GAK: variants seen among roughly 807,000 people sequenced by gnomAD.
GAK encodes cyclin G associated kinase.
GAK carries 79 observed loss-of-function variants against 143.9 expected under a neutral mutation model. That is an observed-to-expected ratio of 0.55 (90% CI 0.46 to 0.66). The LOEUF is 0.66. GAK is among the 30% of genes least tolerant of loss of function. GAK has a pLI of 0.00. For missense variants in GAK, 1,693 were observed against 1,779.7 expected, an observed-to-expected ratio of 0.95 and a Z score of 0.88; for synonymous variants, 881 against 765.5, an observed-to-expected ratio of 1.15 and a Z score of -2.49.
At position 888,981 on chromosome 4, in the gene GAK, A is replaced by ACACACG. The variant is rs774366124; in HGVS notation, c.1082-12_1082-11insCGTGTG. The ACACACG allele has an allele frequency of 6.2e-7, 1 of 1,608,220 alleles. No homozygotes were observed. Among genetic ancestry groups the ACACACG allele is most frequent in the South Asian group, 1.1e-5 (1 of 90,604 alleles). ...CCGCCAGCGCCAGGCCTGCAGGGAGACACAGTCTCAGCAGGCCCCAGGTGC... is the reference window on the plus strand; with the variant it reads ...CCGCCAGCGCCAGGCCTGCAGGGAGACACACGCACAGTCTCAGCAGGCCCCAGGTGC... On this transcript the variant is annotated splice_polypyrimidine_tract_variant and intron_variant, in intron 10 of 27. Transcript: ENST00000314167.
intron 17 of GAK, 128 bp downstream of exon 17, chr4:876,962 A>G: frequency 1.5e-6 from 1 of 654,554 alleles, no homozygotes; most frequent in Non-Finnish European, 2.7e-6. Flanking sequence ...GCCACATGAG[A>G]GCCCACGGCA....
chr4:922,878 T>C (rs1017857549), intron 1 of GAK, among the ~76,000 whole-genome samples: 10 of 152,202 alleles, frequency 6.6e-5, no homozygotes, highest in Admixed American at 2.6e-4. Flanking sequence ...TTATCTGTAG[T>C]AGCCAAAACA....
At chr4:864,897 T>A (rs1560299417) in intron 23 of GAK, among the ~76,000 whole-genome samples, 1 of 152,202 alleles carries the variant, frequency 6.6e-6, no homozygotes, top group Non-Finnish European at 1.5e-5. Flanking sequence ...ACTGCAGCTC[T>A]GGGACACCAA....
chr4:902,595 T>TAAAAAAAAAAAA (rs1720085620), intron 5 of GAK, among the ~76,000 whole-genome samples: 1 of 6,150 alleles, frequency 1.6e-4, no homozygotes. Flanking sequence ...AGTGACTGAC[T>TAAAAAAAAAAAA]CAAAAAAAAA....
chr4:923,231 C>T (rs1337589866), intron 1 of GAK, among the ~76,000 whole-genome samples: 1 of 152,164 alleles, frequency 6.6e-6, no homozygotes, highest in African/African-American at 2.4e-5. Context: ...TCTTTTCTCA[C>T]AGCCGCGTGG....
intron 16 of GAK, among the ~76,000 whole-genome samples, 181 bp downstream of exon 16, chr4:877,434 T>G (rs1265276349): frequency 6.6e-6 from 1 of 152,084 alleles, no homozygotes; most frequent in Non-Finnish European, 1.5e-5. Flanking sequence ...TCCTGGACAC[T>G]CGGATCCCTG....
intron 24 of GAK, 47 bp from the exon 25 acceptor site, chr4:852,021 G>A (rs1288531014): frequency 2.1e-6 from 3 of 1,455,038 alleles, no homozygotes; most frequent in Admixed American, 1.8e-5. Context: ...GTCCATGAGG[G>A]GCAACTACTG....
rs148765045 is a variant in GAK, at chr4:882,744, C to T, written c.1480G>A (p.Ala494Thr). 3.6e-5 allele frequency: 58 copies of T among 1,612,498 alleles called. No individual in the cohort carries two copies. The highest frequency in any genetic ancestry group is 1.8e-4 in the East Asian group (8 of 44,890). ...TTCTTGTGGTCCTGCCGCAGCCAGG[C>T]GTGCATGTTCCTGCAGATGTTGTAC... ...TLYNICRNMH[A>T]WLRQDHKNVC... The change falls in exon 14 of 28, where the codon GCC becomes ACC. Residue 494 changes from alanine to threonine, a missense_variant. By Grantham distance (58) the Ala-to-Thr change is moderately conservative (BLOSUM62 0). Transcript: ENST00000314167.
chr4:915,776 T>A (rs147106807), intron 1 of GAK: 1 of 152,208 alleles, frequency 6.6e-6, no homozygotes, highest in Non-Finnish European at 1.5e-5. Context: ...TGGTGCAATG[T>A]CGAATCCTCC....
At position 867,315 on chromosome 4, in the gene GAK, C is replaced by T. The variant is rs575815977; in HGVS notation, c.2513G>A (p.Ser838Asn). ...GTCGGCCCTGGGTTCCTGGCCCTCG[C>T]TGGAGATCGGGGATCCCCCTTCATC... ...VSDEGGSPIS[S>N]EGQEPRADPE... The change falls in exon 21 of 28, where the codon AGC becomes AAC. Residue 838 changes from serine to asparagine, a missense_variant. Coordinates refer to ENST00000314167, the MANE Select transcript of GAK (RefSeq NM_005255.4). The T allele has an allele frequency of 6.8e-6, 11 of 1,611,490 alleles. No individual in the cohort carries two copies. The South Asian group carries it at 1.2e-4, about 18-fold the overall frequency.
chr4:891,156 TCAC>T (rs1178800572), intron 9 of GAK, among the ~76,000 whole-genome samples: 1 of 152,170 alleles, frequency 6.6e-6, no homozygotes, highest in Non-Finnish European at 1.5e-5. Context: ...AGATGGGGTT[TCAC>T]CACGTTGCCC....
intron 1 of GAK, among the ~76,000 whole-genome samples, chr4:918,343 G>A (rs1330889189): frequency 1.3e-5 from 2 of 152,232 alleles, no homozygotes; most frequent in Non-Finnish European, 2.9e-5. Flanking sequence ...TCTGCTCTCA[G>A]CACTGTAAGC....
At chr4:866,896 G>A in intron 21 of GAK, 60 bp downstream of exon 21, 1 of 1,253,592 alleles carries the variant, frequency 8.0e-7, no homozygotes. Flanking sequence ...CAGTGAGAAT[G>A]ACTCAGCCTC....
At chr4:895,385 G>A (rs999509388) in intron 7 of GAK, among the ~76,000 whole-genome samples, 2 of 152,218 alleles carry the variant, frequency 1.3e-5, no homozygotes, top group African/African-American at 4.8e-5. Flanking sequence ...AGCAAGAGCC[G>A]GCCAGGAGTG....
At chr4:926,917 C>A (rs7376683) in intron 1 of GAK, among the ~76,000 whole-genome samples, 29 of 39,518 alleles carry the variant, frequency 7.3e-4, no homozygotes, top group South Asian at 1.8e-3. Flanking sequence ...CTGCCCCGCA[C>A]CCCTCCCGGC....
In GAK at chr4:877,165, G is replaced by T. The variant is rs751743935; in HGVS notation, c.1899C>A (p.Gly633=). Residue 633 remains glycine, a synonymous_variant, in exon 17 of 28, where the codon GGC becomes GGA. Coordinates refer to ENST00000314167, the MANE Select transcript of GAK (RefSeq NM_005255.4). The part of the protein sequence containing the change: ...IEDGKAVIPL[G]VTVQGDVLIV... Reference sequence around the variant, plus strand: ...TGAGCACGTCTCCTTGCACCGTGACGCCCAGGGGAATCACCGCTTTGCCAT... The same window carrying T: ...TGAGCACGTCTCCTTGCACCGTGACTCCCAGGGGAATCACCGCTTTGCCAT... The T allele has an allele frequency of 6.2e-7, 1 of 1,613,896 alleles. No homozygotes were observed. The highest frequency in any genetic ancestry group is 8.5e-7 in the Non-Finnish European group (1 of 1,179,834).
intron 1 of GAK, among the ~76,000 whole-genome samples, chr4:930,927 C>G (rs1452878478): frequency 5.9e-5 from 9 of 152,222 alleles, no homozygotes; most frequent in Admixed American, 5.9e-4. Context: ...GACAGGCTAA[C>G]CCTCCAGCCC....
chr4:911,784 T>C lies in GAK; in HGVS notation c.271A>G (p.Lys91Glu). ...AIIQEVCFMK[K>E]LSGHPNIVQF... ...ACAATGTTCGGGTGGCCGGAAAGCT[T>C]TTTCTGCAGTTGTCTTGTTAAAGGA... Residue 91 changes from lysine to glutamate, a missense_variant, in exon 4 of 28, where the codon AAG becomes GAG. Transcript: ENST00000314167. The C allele has an allele frequency of 6.2e-7, 1 of 1,612,988 alleles. No individual in the cohort carries two copies. Among genetic ancestry groups the C allele is most frequent in the Non-Finnish European group, 8.5e-7 (1 of 1,179,070 alleles).
At chr4:915,246 G>A (rs1722939692) in intron 1 of GAK, among the ~76,000 whole-genome samples, 2 of 151,808 alleles carry the variant, frequency 1.3e-5, no homozygotes, top group African/African-American at 2.4e-5. Flanking sequence ...CAGCCCCAGC[G>A]TGCGCGGCCC....
Sources: gnomAD v4.1 joint callset for allele counts (sites outside exome capture counted in the v4.1 genomes callset) on GRCh38, gnomAD v4.1.1 for gene constraint, MANE v1.5 for transcripts, NCBI Gene and HGNC (gene_info 2026-07-23, HGNC 2026-07-21) for gene names.